CEP295: variants seen among roughly 807,000 people sequenced by gnomAD.
The protein encoded by CEP295 is centrosomal protein 295, also known as centrosomal protein of 295 kDa.
A neutral mutation model predicts 291.6 loss-of-function variants in CEP295; 190 were observed. The ratio of observed to expected loss-of-function variants is 0.65; its 90% confidence interval spans 0.58 to 0.73. The LOEUF is 0.73. CEP295 is among the 30% of genes least tolerant of loss of function. CEP295 has a pLI of 0.00. For synonymous variants in CEP295, 993 were observed against 1,038.8 expected, an observed-to-expected ratio of 0.96 and a Z score of 0.85; for missense variants, 2,863 against 2,949.4, an observed-to-expected ratio of 0.97 and a Z score of 0.68.
chr11:93,719,677 C>A (rs1159360795), intron 18 of CEP295: 1 of 151,924 alleles, frequency 6.6e-6, no homozygotes, highest in East Asian at 1.9e-4. Context: ...TTGTTCTATT[C>A]TTTTCCCTGT....
chr11:93,696,929 C>T lies in CEP295; in HGVS notation c.2017C>T (p.His673Tyr). ...PIQTSKLEQDHFQVARQNHFP... is the reference protein window; with the variant it reads ...PIQTSKLEQDYFQVARQNHFP... ...ACAGACCTCCAAATTAGAACAAGATCATTTTCAGGTAGCGAGACAAAATCA... is the reference window on the plus strand; with the variant it reads ...ACAGACCTCCAAATTAGAACAAGATTATTTTCAGGTAGCGAGACAAAATCA... Residue 673 changes from histidine (H) to tyrosine (Y), a missense_variant, in exon 15 of 30, where the codon CAT (histidine) becomes TAT (tyrosine). Physicochemically the swap from His to Tyr is moderately conservative, Grantham distance 83. Around this residue, in one of 3 missense-constraint regions of CEP295, gnomAD observed 2,295 missense variants for 2,335.7 expected, o/e 0.98. Transcript: ENST00000325212. 6.4e-7 allele frequency: 1 copy of T among 1,552,048 alleles called. No individual in the cohort carries two copies. The highest frequency in any genetic ancestry group is 8.7e-7 in the Non-Finnish European group (1 of 1,147,088).
At position 93,675,562 on chromosome 11, in the gene CEP295, CTT is replaced by C. The variant is rs145098177; in HGVS notation, c.529-6_529-5del. On this transcript the variant is annotated splice_polypyrimidine_tract_variant and splice_region_variant and intron_variant, in intron 5 of 29. Coordinates refer to ENST00000325212, the MANE Select transcript of CEP295 (RefSeq NM_033395.2). ...CTTTTAACCTATTTTTTTATGTTCT[CTT>C]TTCCAGAACATCGAAGTAAAAAGAA... The C allele has an allele frequency of 1.9e-3, 2,715 of 1,408,648 alleles. 86 individuals carry two copies. In the East Asian group the frequency reaches 0.069, roughly 36 times the overall value. 87.3% of individuals were successfully genotyped at this position (1,408,648 alleles called of 1,614,324 possible). A position where few individuals can be genotyped will look rare whatever the true frequency, so the allele number is the denominator to read the frequency against.
intron 1 of CEP295, among the ~76,000 whole-genome samples, chr11:93,663,859 C>G (rs1950097629): frequency 6.6e-6 from 1 of 151,980 alleles, no homozygotes; most frequent in African/African-American, 2.4e-5. Context: ...GAATAAAACA[C>G]AAATCTAGGT....
At chr11:93,682,268 G>A (rs1158479416) in intron 7 of CEP295, among the ~76,000 whole-genome samples, 1 of 152,010 alleles carries the variant, frequency 6.6e-6, no homozygotes, top group African/African-American at 2.4e-5. Flanking sequence ...CTGTTGCCCA[G>A]GGTAGAGTTC....
At chr11:93,718,987 A>G (rs1422595643) in intron 18 of CEP295, among the ~76,000 whole-genome samples, 2 of 152,178 alleles carry the variant, frequency 1.3e-5, no homozygotes, top group African/African-American at 2.4e-5. Context: ...GCGCACCTGT[A>G]GTCCCAGCTA....
intron 2 of CEP295, among the ~76,000 whole-genome samples, chr11:93,667,051 T>C (rs903827820): frequency 6.6e-6 from 1 of 152,230 alleles, no homozygotes; most frequent in Non-Finnish European, 1.5e-5. Flanking sequence ...AAAATAGCTC[T>C]TTATCTTTTT....
chr11:93,691,776 G>A lies in CEP295; in HGVS notation c.1429+1G>A, dbSNP rs1361347151. On this transcript the variant is annotated splice_donor_variant, in intron 11 of 29. Coordinates refer to ENST00000325212, the MANE Select transcript of CEP295 (RefSeq NM_033395.2). LOFTEE classifies it high-confidence loss of function. ...GGTACAAACTCTGGAAAAGAACAAG[G>A]TATTTCTTTTTATCACATCCTCAAA... The A allele has an allele frequency of 2.0e-6, 3 of 1,523,326 alleles. No individual in the cohort carries two copies. Among genetic ancestry groups the A allele is most frequent in the Admixed American group, 2.1e-5 (1 of 47,736 alleles). 94.4% of individuals were successfully genotyped at this position (1,523,326 alleles called of 1,614,324 possible).
At position 93,730,055 on chromosome 11, in the gene CEP295, C is replaced by CA. The variant is rs1565232528; in HGVS notation, c.7676dup (p.Asn2559LysfsTer5). Reference sequence around the variant, plus strand: ...CTATATAAATTCTTTACAGGTTATACAATCAACTAGCTGAAGTGAAACAAC... The same window carrying CA: ...CTATATAAATTCTTTACAGGTTATACAAATCAACTAGCTGAAGTGAAACAAC... On this transcript the variant is annotated frameshift_variant, in exon 29 of 30. Coordinates refer to ENST00000325212, the MANE Select transcript of CEP295 (RefSeq NM_033395.2). LOFTEE classifies it high-confidence loss of function. 1 of 1,546,556 alleles carries CA rather than the reference C, an allele frequency of 6.5e-7. No homozygotes were observed. Among genetic ancestry groups the CA allele is most frequent in the Non-Finnish European group, 8.7e-7 (1 of 1,145,166 alleles).
intron 13 of CEP295, among the ~76,000 whole-genome samples, chr11:93,695,965 A>G (rs1190002316): frequency 6.6e-6 from 1 of 152,206 alleles, no homozygotes; most frequent in Non-Finnish European, 1.5e-5. Flanking sequence ...GTGAGATTCC[A>G]TCTCAAAAAA....
In CEP295 at chr11:93,667,498, G is replaced by A; in HGVS notation, c.109-109G>A. On this transcript the variant is annotated intron_variant, in intron 2 of 29. Transcript: ENST00000325212. ...TCTAATACAAGATGAGTATCAAAGAGAGTTGACAGACTTAAGAGAATTCAT... is the reference window on the plus strand; with the variant it reads ...TCTAATACAAGATGAGTATCAAAGAAAGTTGACAGACTTAAGAGAATTCAT... 4.2e-6 allele frequency: 3 copies of A among 714,472 alleles called. No individual in the cohort carries two copies. The South Asian group carries it at 6.3e-5, about 15-fold the overall frequency. The allele number at this position is 714,472 out of a possible 1,614,324, so 44.3% of individuals were successfully genotyped here.
At chr11:93,683,494 A>G (rs1358484602) in intron 7 of CEP295, 65 bp from the exon 8 acceptor site, 21 of 1,209,050 alleles carry the variant, frequency 1.7e-5, no homozygotes, top group Non-Finnish European at 2.4e-5. Context: ...CCTACCTGCA[A>G]CATTGTTAAT....
At chr11:93,686,722 G>T (rs1385318592) in intron 9 of CEP295, among the ~76,000 whole-genome samples, 1 of 152,108 alleles carries the variant, frequency 6.6e-6, no homozygotes, top group East Asian at 1.9e-4. Flanking sequence ...TGTTTTTAGG[G>T]GTGTATTGAC....
chr11:93,675,282 A>C (rs1330176782), intron 5 of CEP295, among the ~76,000 whole-genome samples: 1 of 152,128 alleles, frequency 6.6e-6, no homozygotes, highest in Non-Finnish European at 1.5e-5. Flanking sequence ...TTCTATATTC[A>C]GGAGATTTAA....
At chr11:93,675,059 G>A (rs1950624289) in intron 5 of CEP295, among the ~76,000 whole-genome samples, 1 of 152,142 alleles carries the variant, frequency 6.6e-6, no homozygotes, top group African/African-American at 2.4e-5. Context: ...TCTGAGAGTT[G>A]TTTTGTTCTG....
At chr11:93,709,954 A>G (rs1291661102) in intron 18 of CEP295, among the ~76,000 whole-genome samples, 1 of 152,186 alleles carries the variant, frequency 6.6e-6, no homozygotes, top group African/African-American at 2.4e-5. Context: ...TGCTTTTGGC[A>G]TATAGAAATG....
chr11:93,730,230 G>A lies in CEP295; in HGVS notation c.7768-1G>A, dbSNP rs746325187. The stretch of plus-strand genomic sequence containing the variant: ...AACTCAAATTTTTATTCCTTCCACA[G>A]AAAACACTAGAGAAACTTCGAGCCA... On this transcript the variant is annotated splice_acceptor_variant, in intron 29 of 29. Coordinates refer to ENST00000325212, the MANE Select transcript of CEP295 (RefSeq NM_033395.2). LOFTEE classifies it high-confidence loss of function. 1.3e-6 allele frequency: 2 copies of A among 1,551,206 alleles called. No homozygotes were observed. Among genetic ancestry groups the A allele is most frequent in the Non-Finnish European group, 1.7e-6 (2 of 1,146,846 alleles).
At chr11:93,694,915 T>C (rs898005846) in intron 12 of CEP295, among the ~76,000 whole-genome samples, 4 of 152,202 alleles carry the variant, frequency 2.6e-5, no homozygotes, top group Non-Finnish European at 4.4e-5. Flanking sequence ...ATGAAACTCA[T>C]AGTTACTCAA....
chr11:93,669,645 A>G, intron 4 of CEP295, 32 bp from the exon 5 acceptor site: 1 of 1,350,318 alleles, frequency 7.4e-7, no homozygotes, highest in Non-Finnish European at 1.0e-6. Flanking sequence ...TATCACTGAG[A>G]GATTAATTGA....
At position 93,706,818 on chromosome 11, in the gene CEP295, C is replaced by T. The variant is rs1302168690; in HGVS notation, c.5670C>T (p.Ser1890=). 1.2e-5 allele frequency: 19 copies of T among 1,550,350 alleles called. No individual in the cohort carries two copies. Among genetic ancestry groups the T allele is most frequent in the Non-Finnish European group, 1.6e-5 (18 of 1,146,260 alleles). Residue 1890 remains serine, a synonymous_variant, in exon 18 of 30, where the codon AGC becomes AGT. Transcript: ENST00000325212. The stretch of plus-strand genomic sequence containing the variant: ...GCCGAGAACAAAGTTTCTTTGGGAG[C>T]CCACTGGCCCATGATCCGTTTAGTT... ...SISREQSFFG[S]PLAHDPFSCL...
Sources: allele counts gnomAD v4.1 joint callset (sites outside exome capture counted in the v4.1 genomes callset), GRCh38; gene constraint gnomAD v4.1.1; regional missense constraint gnomAD v4.1.1; transcripts MANE v1.5; gene names NCBI Gene and HGNC (gene_info 2026-07-23, HGNC 2026-07-21).